Variants in PAX2 observed in about 807,000 individuals in gnomAD.
PAX2 encodes the protein paired box protein Pax-2.
Under a neutral mutation model 41.7 loss-of-function variants are expected in PAX2, and 9 were observed. The ratio of observed to expected loss-of-function variants is 0.22; its 90% CI spans 0.13 to 0.38. PAX2 has a LOEUF of 0.38. Ranked by LOEUF, PAX2 falls within the 10% of genes least tolerant of loss-of-function variation. The pLI, the probability that PAX2 is intolerant of heterozygous loss-of-function variation, is 1.00. For synonymous variants in PAX2, 221 were observed against 212.7 expected (o/e 1.04, Z -0.34); for missense variants, 418 against 531.6 (o/e 0.79, Z 2.10).
rs972537767 is a variant in PAX2 at position 100,829,761 on chromosome 10, C to T, written c.*2142C>T. 4 of 205,904 alleles carry T rather than the reference C, an allele frequency of 1.9e-5. No individual in the cohort carries two copies. The highest frequency in any genetic ancestry group is 1.9e-4 in the South Asian group (1 of 5,316). 12.8% of individuals were successfully genotyped at this position (205,904 alleles called of 1,614,324 possible). ...GCGCCGAGGTCCGGCCCATCCCAGT[C>T]CTGTGGGGCTGGCCGGGCAGAGACC... is the stretch of plus-strand genomic sequence containing the variant. On this transcript the variant is annotated 3_prime_UTR_variant, in exon 10 of 10. Coordinates refer to ENST00000355243, the MANE Select transcript of PAX2 (RefSeq NM_000278.5).
chr10:100,749,718 G>A (rs1664757657), intron 1 of PAX2, 28 bp from the exon 2 acceptor site: 19 of 1,603,644 alleles, frequency 1.2e-5, no homozygotes, highest in Non-Finnish European at 1.5e-5. Flanking sequence ...TGTGTGGGGT[G>A]TTGTGTTTTT....
upstream of PAX2, among the ~76,000 whole-genome samples, chr10:100,744,444 G>T (rs6584397): frequency 0.044 from 6,758 of 152,356 alleles, 516 homozygotes; most frequent in African/African-American, 0.15. Flanking sequence ...GAGACAAAGG[G>T]CTTCTTCTGC....
intron 1 of PAX2, chr10:100,747,508 A>T: frequency 1.9e-6 from 1 of 520,202 alleles, no homozygotes; most frequent in African/African-American, 2.1e-5. Context: ...AAAATTCTAA[A>T]TAGAAAACTC....
intron 3 of PAX2, among the ~76,000 whole-genome samples, chr10:100,762,200 T>TAA (rs55652460): frequency 2.1e-5 from 3 of 142,400 alleles, no homozygotes; most frequent in African/African-American, 5.1e-5. Flanking sequence ...CCATCTCTAT[T>TAA]AAAAAAAAAA....
chr10:100,744,230 G>A (rs1163051192), upstream of PAX2, among the ~76,000 whole-genome samples: 1 of 152,232 alleles, frequency 6.6e-6, no homozygotes, highest in African/African-American at 2.4e-5. Context: ...GCTGCAGACG[G>A]GGGCTGGAGG....
upstream of PAX2, among the ~76,000 whole-genome samples, chr10:100,740,803 C>T (rs1017268544): frequency 3.9e-5 from 6 of 151,934 alleles, no homozygotes; most frequent in Non-Finnish European, 7.4e-5. Flanking sequence ...TCTAGGGAGG[C>T]GGTACAGGCT....
intron 3 of PAX2, among the ~76,000 whole-genome samples, chr10:100,773,011 G>A (rs943081710): frequency 5.3e-5 from 8 of 152,196 alleles, no homozygotes; most frequent in African/African-American, 1.9e-4. Context: ...TTTCTCAGAA[G>A]GGACTGAAAA....
rs1845409168 is a variant in PAX2, at chr10:100,750,705, C to A, written c.224C>A (p.Thr75Asn). ...CTTTCCCGGCGCAGGTACTACGAGA[C>A]CGGCAGCATCAAGCCGGGTGTGATC... ...VSKILGRYYE[T>N]GSIKPGVIGG... Residue 75 changes from threonine (T) to asparagine (N), a missense_variant, in exon 3 of 10, where the codon ACC becomes AAC. By Grantham distance (65) the Thr-to-Asn change is moderately conservative. Around this residue, in one of 2 missense-constraint regions of PAX2, gnomAD observed 108 missense variants for 206.3 expected, o/e 0.52. Transcript: ENST00000355243. This position sits in a 1 kb window ranked among gnomAD's most constrained non-coding sequence, Gnocchi z 4.1. The A allele has an allele frequency of 6.2e-7, 1 of 1,614,024 alleles. No homozygotes were observed.
chr10:100,815,745 G>T (rs962544394), intron 7 of PAX2, among the ~76,000 whole-genome samples: 1 of 152,174 alleles, frequency 6.6e-6, no homozygotes, highest in South Asian at 2.1e-4. Context: ...ATCCACTGTC[G>T]GGATCAGAGT....
intron 3 of PAX2, among the ~76,000 whole-genome samples, chr10:100,767,107 A>T (rs547455761): frequency 7.2e-5 from 11 of 152,332 alleles, no homozygotes; most frequent in African/African-American, 2.6e-4. Flanking sequence ...GTAATGCACA[A>T]CACAGTTCAA....
At chr10:100,778,047 C>T (rs1227595274) in intron 3 of PAX2, among the ~76,000 whole-genome samples, 1 of 152,204 alleles carries the variant, frequency 6.6e-6, no homozygotes, top group African/African-American at 2.4e-5. Flanking sequence ...ATCTTAGGAT[C>T]AAGTTATTTT....
intron 5 of PAX2, among the ~76,000 whole-genome samples, chr10:100,793,689 A>G (rs1404189009): frequency 6.6e-6 from 1 of 152,170 alleles, no homozygotes; most frequent in African/African-American, 2.4e-5. Context: ...GGCCCCTCAG[A>G]CAATCCCTCT....
intron 3 of PAX2, among the ~76,000 whole-genome samples, chr10:100,764,384 C>T (rs908037610): frequency 2.0e-5 from 3 of 152,078 alleles, no homozygotes; most frequent in Non-Finnish European, 1.5e-5. Flanking sequence ...CCTTGTGATC[C>T]ACCCACCTTG....
intron 7 of PAX2, among the ~76,000 whole-genome samples, chr10:100,814,124 G>A (rs922675366): frequency 1.7e-4 from 26 of 151,650 alleles, no homozygotes; most frequent in Non-Finnish European, 1.9e-4. Context: ...CGAGGCAGGC[G>A]GATCACGAGG....
chr10:100,772,376 A>G (rs541687347), intron 3 of PAX2, among the ~76,000 whole-genome samples: 76 of 152,030 alleles, frequency 5.0e-4, no homozygotes, highest in South Asian at 2.1e-3. Context: ...CTGGTCTCGA[A>G]CTCCTGACCT....
rs1482474366 is a variant in PAX2, at chr10:100,746,022, C to A, written c.-239C>A. Reference sequence around the variant, plus strand: ...CGGGGCCATTCTGCTGACCGCCCAGCCCCGAGCCCCGACAGTGGCAAGTTG... The same window carrying A: ...CGGGGCCATTCTGCTGACCGCCCAGACCCGAGCCCCGACAGTGGCAAGTTG... On this transcript the variant is annotated 5_prime_UTR_variant, in exon 1 of 10. Transcript: ENST00000355243. 1.4e-6 allele frequency: 2 copies of A among 1,418,166 alleles called. No individual in the cohort carries two copies. Among genetic ancestry groups the A allele is most frequent in the Admixed American group, 3.0e-5 (1 of 33,506 alleles). 87.8% of individuals were successfully genotyped at this position (1,418,166 alleles called of 1,614,324 possible). A position where few individuals can be genotyped will look rare whatever the true frequency, so the allele number is the denominator to read the frequency against.
At chr10:100,758,399 C>T (rs1245171333) in intron 3 of PAX2, among the ~76,000 whole-genome samples, 2 of 151,978 alleles carry the variant, frequency 1.3e-5, no homozygotes, top group African/African-American at 4.8e-5. Context: ...CTCGGCCTCC[C>T]AGATTGCTGG....
chr10:100,794,152 C>G (rs896658254), intron 5 of PAX2, among the ~76,000 whole-genome samples: 1 of 152,234 alleles, frequency 6.6e-6, no homozygotes, highest in Non-Finnish European at 1.5e-5. Context: ...TTTCCTCCAA[C>G]AGTTCTGCCT....
Position 100,781,252 on chromosome 10 carries a change from G to T in PAX2, c.503G>T (p.Ser168Ile), listed in dbSNP as rs752531319. The change falls in exon 5 of 10, where the codon AGC (serine) becomes ATC (isoleucine). Residue 168 changes from serine (S) to isoleucine (I), a missense_variant. Ser to Ile is a moderately radical substitution (Grantham distance 142). Transcript: ENST00000355243. ...CCTCCTTCCTCTCATCCAGTTCCCA[G>T]CACGGCCTCCCCTCCTGTTTCCAGC... ...VTAPGHTIVPSTASPPVSSAS... is the reference protein window; with the variant it reads ...VTAPGHTIVPITASPPVSSAS... 6.2e-7 allele frequency: 1 copy of T among 1,614,042 alleles called. No homozygotes were observed. Among genetic ancestry groups the T allele is most frequent in the Non-Finnish European group, 8.5e-7 (1 of 1,179,950 alleles).
Sources: gnomAD v4.1 joint callset for allele counts (sites outside exome capture counted in the v4.1 genomes callset) on GRCh38, gnomAD v4.1.1 for gene constraint, gnomAD v4.1.1 regional missense constraint, Gnocchi (gnomAD v3.1) non-coding constraint, MANE v1.5 for transcripts, NCBI Gene and HGNC (gene_info 2026-07-23, HGNC 2026-07-21) for gene names.